Variants in ICOS observed in about 807,000 individuals in gnomAD.
The protein encoded by ICOS is inducible T-cell costimulator.
A neutral mutation model predicts 24.6 loss-of-function variants in ICOS; 15 were observed. The ratio of observed to expected loss-of-function variants is 0.61; its 90% CI spans 0.41 to 0.94. The LOEUF (loss-of-function observed/expected upper bound fraction) is 0.94. Ranked by LOEUF, ICOS falls within the 40% of genes least tolerant of loss-of-function variation. The pLI is 0.00. For synonymous variants in ICOS, 89 were observed against 77.5 expected, an observed-to-expected ratio of 1.15 and a Z score of -0.78; for missense variants, 200 against 233.0, an observed-to-expected ratio of 0.86 and a Z score of 0.92.
intron 1 of ICOS, among the ~76,000 whole-genome samples, chr2:203,953,628 A>G (rs1690023624): frequency 6.6e-6 from 1 of 152,238 alleles, no homozygotes; most frequent in South Asian, 2.1e-4. Flanking sequence ...CCCCTCCTGC[A>G]TAATGCTAAT....
intron 1 of ICOS, among the ~76,000 whole-genome samples, chr2:203,950,543 G>A (rs1358944360): frequency 6.6e-6 from 1 of 152,144 alleles, no homozygotes; most frequent in Non-Finnish European, 1.5e-5. Context: ...TCAAGCTATA[G>A]CAAGCATATC....
At chr2:203,944,588 C>G (rs1689837139) in intron 1 of ICOS, among the ~76,000 whole-genome samples, 1 of 152,120 alleles carries the variant, frequency 6.6e-6, no homozygotes, top group African/African-American at 2.4e-5. Flanking sequence ...ACATGCTTAG[C>G]CTTTATATTC....
At chr2:203,944,974 G>A (rs1174641153) in intron 1 of ICOS, among the ~76,000 whole-genome samples, 2 of 152,162 alleles carry the variant, frequency 1.3e-5, no homozygotes, top group Non-Finnish European at 2.9e-5. Flanking sequence ...TAGTAGTAAA[G>A]AACAGAAGTG....
chr2:203,946,841 C>T (rs1198709767), intron 1 of ICOS, among the ~76,000 whole-genome samples: 1 of 152,194 alleles, frequency 6.6e-6, no homozygotes, highest in African/African-American at 2.4e-5. Context: ...TCAATGATTA[C>T]AAACTCAGGA....
At chr2:203,957,653 T>G in intron 3 of ICOS, 146 bp from the exon 4 acceptor site, 4 of 686,928 alleles carry the variant, frequency 5.8e-6, no homozygotes, top group South Asian at 4.7e-5. Flanking sequence ...TTCATATTGT[T>G]TTTCTACTTA....
At chr2:203,959,054 ATTGGACC>A (rs943822864) in intron 4 of ICOS, among the ~76,000 whole-genome samples, 3 of 152,196 alleles carry the variant, frequency 2.0e-5, no homozygotes, top group African/African-American at 7.2e-5. Flanking sequence ...GCCTGACTTC[ATTGGACC>A]TCTGAGAAGT....
intron 1 of ICOS, among the ~76,000 whole-genome samples, chr2:203,939,416 T>C (rs1689723918): frequency 6.6e-6 from 1 of 152,140 alleles, no homozygotes; most frequent in Non-Finnish European, 1.5e-5. Flanking sequence ...CTTTTAATTA[T>C]AAAAATATCT....
chr2:203,940,654 C>T (rs769096020), intron 1 of ICOS, among the ~76,000 whole-genome samples: 2 of 88,038 alleles, frequency 2.3e-5, no homozygotes, highest in African/African-American at 5.7e-5. Context: ...GTCTAACTCT[C>T]ATTCCTTTGT....
chr2:203,957,720 C>T (rs1690101321), intron 3 of ICOS, 79 bp from the exon 4 acceptor site: 3 of 1,097,060 alleles, frequency 2.7e-6, no homozygotes, highest in Admixed American at 1.7e-5. Flanking sequence ...ACCACTTCAA[C>T]AAAGAATAGA....
chr2:203,936,774 T>C lies in ICOS; in HGVS notation c.-41T>C, dbSNP rs751761653. 2.6e-6 allele frequency: 4 copies of C among 1,542,058 alleles called. No homozygotes were observed. In the East Asian group the frequency reaches 9.0e-5, roughly 35 times the overall value. On this transcript the variant is annotated 5_prime_UTR_variant, in exon 1 of 5. Coordinates refer to ENST00000316386, the MANE Select transcript of ICOS (RefSeq NM_012092.4). ...GAGAGCCTGAATTCACTGTCAGCTT[T>C]GAACACTGAACGCGAGGACTGTTAA...
chr2:203,946,409 A>T (rs200305080), intron 1 of ICOS, among the ~76,000 whole-genome samples: 2 of 133,762 alleles, frequency 1.5e-5, no homozygotes, highest in African/African-American at 2.7e-5. Flanking sequence ...TCTTCTTCCC[A>T]TTTTTTTTTT....
Position 203,959,857 on chromosome 2 carries a change from C to G in ICOS, c.*258C>G. 1 of 569,856 alleles carries G rather than the reference C, an allele frequency of 1.8e-6. No homozygotes were observed. The highest frequency in any genetic ancestry group is 3.0e-5 in the East Asian group (1 of 32,992). The allele number at this position is 569,856 out of a possible 1,614,324, so 35.3% of individuals were successfully genotyped here. ...AGAAAGCCCAGCTCCTGTGTGCTCACTGGGAGTGGAATCCCTGTCTCCACA... is the reference window on the plus strand; with the variant it reads ...AGAAAGCCCAGCTCCTGTGTGCTCAGTGGGAGTGGAATCCCTGTCTCCACA... On this transcript the variant is annotated 3_prime_UTR_variant, in exon 5 of 5. Coordinates refer to ENST00000316386, the MANE Select transcript of ICOS (RefSeq NM_012092.4).
chr2:203,945,037 T>A (rs1283404997), intron 1 of ICOS, among the ~76,000 whole-genome samples: 1 of 99,642 alleles, frequency 1.0e-5, no homozygotes, highest in African/African-American at 2.7e-5. Flanking sequence ...GCCTATGAGA[T>A]TGTGAAAGCA....
rs56326865 is a variant in ICOS, at chr2:203,955,498, G to A, written c.59-138G>A. ...TATGTTCTTCCTTGAGGGGTGGAGG[G>A]AGAATGTGAAGCTGTTTCATTTTGG... is the stretch of plus-strand genomic sequence containing the variant. On this transcript the variant is annotated intron_variant, in intron 1 of 4. Coordinates refer to ENST00000316386, the MANE Select transcript of ICOS (RefSeq NM_012092.4). 3,295 of 706,206 alleles carry A rather than the reference G, an allele frequency of 4.7e-3. 17 individuals carry two copies. The highest frequency in any genetic ancestry group is 5.0e-3 in the Non-Finnish European group (2,008 of 402,620). 43.7% of individuals were successfully genotyped at this position (706,206 alleles called of 1,614,324 possible). A position where few individuals can be genotyped will look rare whatever the true frequency, so the allele number is the denominator to read the frequency against.
chr2:203,956,856 G>A, intron 3 of ICOS, 91 bp downstream of exon 3: 1 of 869,882 alleles, frequency 1.1e-6, no homozygotes. Flanking sequence ...TCTTGTCAGA[G>A]TAATTTGACC....
chr2:203,947,185 A>G (rs1054612946), intron 1 of ICOS, among the ~76,000 whole-genome samples: 1 of 152,180 alleles, frequency 6.6e-6, no homozygotes, highest in Non-Finnish European at 1.5e-5. Context: ...CCCCCAAAAG[A>G]AGAAGAAAAT....
In ICOS at chr2:203,955,840, C is replaced by A. The variant is rs1379505969; in HGVS notation, c.263C>A (p.Ser88Tyr). ...KSLKFCHSQL[S>Y]NNSVSFFLYN... ...CTGAAATTCTGCCATTCTCAGTTATCCAACAACAGTGTCTCTTTTTTTCTA... is the reference window on the plus strand; with the variant it reads ...CTGAAATTCTGCCATTCTCAGTTATACAACAACAGTGTCTCTTTTTTTCTA... The change falls in exon 2 of 5, where the codon TCC becomes TAC. Residue 88 changes from serine (S) to tyrosine (Y), a missense_variant. Physicochemically the swap from Ser to Tyr is moderately radical, Grantham distance 144. Coordinates refer to ENST00000316386, the MANE Select transcript of ICOS (RefSeq NM_012092.4). The A allele has an allele frequency of 6.2e-7, 1 of 1,613,672 alleles. No individual in the cohort carries two copies. The highest frequency in any genetic ancestry group is 8.5e-7 in the Non-Finnish European group (1 of 1,179,790).
chr2:203,949,953 C>T (rs4675377), intron 1 of ICOS, among the ~76,000 whole-genome samples: 97,764 of 152,114 alleles, frequency 0.64, 34,560 homozygotes, highest in Non-Finnish European at 0.78. Flanking sequence ...AAGAAACTAA[C>T]GTATTCAGAT....
rs140136581 is a variant in ICOS at position 203,955,193 on chromosome 2, G to A, written c.59-443G>A. Reference sequence around the variant, plus strand: ...ATTTTAAAACTCACTTCCTCAAGGCGGCATTTTCTGATTCTATAATCAAAA... The same window carrying A: ...ATTTTAAAACTCACTTCCTCAAGGCAGCATTTTCTGATTCTATAATCAAAA... On this transcript the variant is annotated intron_variant, in intron 1 of 4. Coordinates refer to ENST00000316386, the MANE Select transcript of ICOS (RefSeq NM_012092.4). Among the ~76,000 whole-genome samples, 272 of 152,018 alleles carry A rather than the reference G, an allele frequency of 1.8e-3. 4 individuals carry two copies. The highest frequency in any genetic ancestry group is 4.6e-3 in the African/African-American group (190 of 41,494).
Sources: gnomAD v4.1 joint callset for allele counts (sites outside exome capture counted in the v4.1 genomes callset) on GRCh38, gnomAD v4.1.1 for gene constraint, MANE v1.5 for transcripts, NCBI Gene and HGNC (gene_info 2026-07-23, HGNC 2026-07-21) for gene names.